Variants in BCAS4 observed in about 807,000 individuals in gnomAD.
BCAS4 encodes the protein breast carcinoma amplified sequence 4, also known as breast carcinoma-amplified sequence 4.
BCAS4 carries 9 observed loss-of-function variants against 15.7 expected under a neutral mutation model. That is an observed-to-expected ratio of 0.57 (90% CI 0.34 to 1.00). BCAS4 has a LOEUF of 1.00. Among genes scored for constraint, BCAS4 ranks in the 50% least tolerant of loss-of-function variants. BCAS4 has a pLI of 0.02. For missense variants in BCAS4, 225 were observed against 239.1 expected, an observed-to-expected ratio of 0.94 and a Z score of 0.39; for synonymous variants, 101 against 99.5, an observed-to-expected ratio of 1.02 and a Z score of -0.09.
In BCAS4 at chr20:50,809,609, A is replaced by C. The variant is rs553743265; in HGVS notation, c.91-8602A>C. Among the ~76,000 whole-genome samples, 7 of 151,970 alleles carry C rather than the reference A, an allele frequency of 4.6e-5. No individual in the cohort carries two copies. In the South Asian group the frequency reaches 1.5e-3, roughly 31 times the overall value. On this transcript the variant is annotated intron_variant, in intron 1 of 4. Transcript: ENST00000371608. ...GAGGGCTCTTTTTTGGTTCCATATG[A>C]ATTTTAGGATTTTTTTTTCTAGTTC... is the stretch of plus-strand genomic sequence containing the variant.
chr20:50,812,990 A>T (rs566632880), intron 1 of BCAS4, among the ~76,000 whole-genome samples: 1 of 148,922 alleles, frequency 6.7e-6, no homozygotes, highest in Non-Finnish European at 1.5e-5. Flanking sequence ...TAATTTTTGT[A>T]TTTTTTTTTG....
intron 4 of BCAS4, among the ~76,000 whole-genome samples, chr20:50,873,492 A>G (rs1049988507): frequency 2.6e-5 from 4 of 152,236 alleles, no homozygotes; most frequent in African/African-American, 9.6e-5. Context: ...TTGAACTCCC[A>G]TGATTCACTT....
chr20:50,867,878 C>T (rs1979434058), intron 4 of BCAS4, among the ~76,000 whole-genome samples: 1 of 152,184 alleles, frequency 6.6e-6, no homozygotes, highest in African/African-American at 2.4e-5. Context: ...CATGCCACTG[C>T]ACCCCAGCCT....
chr20:50,807,162 A>T (rs978002537), intron 1 of BCAS4, among the ~76,000 whole-genome samples: 1 of 144,810 alleles, frequency 6.9e-6, no homozygotes, highest in African/African-American at 2.6e-5. Context: ...GTGAGCCACC[A>T]CACCCAGCCC....
At chr20:50,816,012 G>GA (rs1026409867) in intron 1 of BCAS4, among the ~76,000 whole-genome samples, 1 of 151,774 alleles carries the variant, frequency 6.6e-6, no homozygotes, top group Non-Finnish European at 1.5e-5. Context: ...ACTTGAGGGG[G>GA]AAAAAAAACC....
intron 1 of BCAS4, among the ~76,000 whole-genome samples, chr20:50,803,326 C>T (rs779189975): frequency 6.6e-6 from 1 of 152,238 alleles, no homozygotes; most frequent in Non-Finnish European, 1.5e-5. Context: ...CAGCGTTCAG[C>T]ACAGAGTGCT....
chr20:50,819,107 C>T (rs1034883089), intron 2 of BCAS4, among the ~76,000 whole-genome samples: 4 of 151,856 alleles, frequency 2.6e-5, no homozygotes, highest in African/African-American at 2.4e-5. Context: ...TGCTTGAACC[C>T]GGAAGGTGGA....
At chr20:50,801,153 G>A (rs926370721) in intron 1 of BCAS4, among the ~76,000 whole-genome samples, 1 of 152,096 alleles carries the variant, frequency 6.6e-6, no homozygotes, top group African/African-American at 2.4e-5. Flanking sequence ...GGGGCCGGGC[G>A]CCATGGCTCA....
chr20:50,879,650 A>AG (rs1491230573), downstream of BCAS4: 2 of 152,214 alleles, frequency 1.3e-5, no homozygotes, highest in African/African-American at 2.4e-5. Flanking sequence ...CCCCTGAAAC[A>AG]GGGGCCAGGG....
chr20:50,807,193 G>A lies in BCAS4; in HGVS notation c.91-11018G>A, dbSNP rs113498194. On this transcript the variant is annotated intron_variant, in intron 1 of 4. Transcript: ENST00000371608. Reference sequence around the variant, plus strand: ...AGCCCAATTACACTCTTTAAGTTACGTTATTTTCTATTTTTTTTGAGACAG... The same window carrying A: ...AGCCCAATTACACTCTTTAAGTTACATTATTTTCTATTTTTTTTGAGACAG... Among the ~76,000 whole-genome samples, 998 of 148,700 alleles carry A rather than the reference G, an allele frequency of 6.7e-3. 6 individuals carry two copies. Among genetic ancestry groups the A allele is most frequent in the African/African-American group, 0.024 (958 of 40,328 alleles).
intron 1 of BCAS4, among the ~76,000 whole-genome samples, chr20:50,813,674 CTTTTTTTTTTT>C (rs965295871): frequency 1.2e-5 from 1 of 82,390 alleles, no homozygotes; most frequent in Non-Finnish European, 2.1e-5. Flanking sequence ...GGTGGAGGAC[CTTTTTTTTTTT>C]TTTTTTTTTT....
chr20:50,796,452 CATATATATATAT>C lies in BCAS4; in HGVS notation c.90+1304_90+1315del, dbSNP rs1245993218. 8.0e-3 allele frequency among the ~76,000 whole-genome samples: 169 copies of C among 21,156 alleles called. 9 individuals are homozygous for C. Among genetic ancestry groups the C allele is most frequent in the Middle Eastern group, 0.1 (1 of 10 alleles). 13.9% of individuals were successfully genotyped at this position (21,156 alleles called of 152,430 possible). Reference sequence around the variant, plus strand: ...TCTCTTTTTTCTTTTTCTTTTTCTCCATATATATATATATATATATATATATATATATATATT... The same window carrying C: ...TCTCTTTTTTCTTTTTCTTTTTCTCCATATATATATATATATATATATATT... On this transcript the variant is annotated intron_variant, in intron 1 of 4. Transcript: ENST00000371608.
At chr20:50,821,327 A>C (rs2088213717) in intron 2 of BCAS4, among the ~76,000 whole-genome samples, 1 of 152,218 alleles carries the variant, frequency 6.6e-6, no homozygotes, top group South Asian at 2.1e-4. Flanking sequence ...CCAGTTCTGC[A>C]AATATGTGAC....
chr20:50,830,442 C>A, intron 3 of BCAS4, 62 bp downstream of exon 3: 2 of 1,386,314 alleles, frequency 1.4e-6, no homozygotes, highest in Non-Finnish European at 2.0e-6. Flanking sequence ...GCCTTTTCCG[C>A]AAAGACGCCG....
rs1978396839 is a variant in BCAS4 at position 50,851,130 on chromosome 20, GGAGC to G, written c.399+9231_399+9234del. On this transcript the variant is annotated intron_variant, in intron 4 of 4. Coordinates refer to ENST00000371608, the MANE Select transcript of BCAS4 (RefSeq NM_198799.4). The surrounding 1 kb of genome is among the most constrained non-coding windows in gnomAD (Gnocchi z 4.3). ...CCCCTGCAGGAGGTGACTCGGGGAG[GGAGC>G]CCGACAGCTCAGCTTTATCTGGTGG... 6.6e-3 allele frequency among the ~76,000 whole-genome samples: 1 copy of G among 152 alleles called. No individual in the cohort carries two copies. The highest frequency in any genetic ancestry group is 0.014 in the Non-Finnish European group (1 of 74). 0.1% of individuals were successfully genotyped at this position (152 alleles called of 152,430 possible).
intron 4 of BCAS4, among the ~76,000 whole-genome samples, chr20:50,858,499 G>A (rs1263161831): frequency 6.6e-6 from 1 of 152,126 alleles, no homozygotes; most frequent in East Asian, 1.9e-4. Context: ...CTACTTGGGA[G>A]GGTGAGGCAG....
At chr20:50,825,129 G>A (rs1431931864) in intron 2 of BCAS4, among the ~76,000 whole-genome samples, 1 of 152,156 alleles carries the variant, frequency 6.6e-6, no homozygotes, top group Admixed American at 6.6e-5. Flanking sequence ...AATAGTTCTT[G>A]CCTCACAGGG....
intron 2 of BCAS4, among the ~76,000 whole-genome samples, chr20:50,825,925 A>G (rs1374120597): frequency 6.6e-6 from 1 of 152,110 alleles, no homozygotes; most frequent in Non-Finnish European, 1.5e-5. Context: ...TAAGGGGGAA[A>G]AAAAGAGACT....
At chr20:50,814,730 T>C (rs114340650) in intron 1 of BCAS4, among the ~76,000 whole-genome samples, 1 of 152,192 alleles carries the variant, frequency 6.6e-6, no homozygotes, top group Admixed American at 6.5e-5. Flanking sequence ...AAGAGGGAAA[T>C]AGTAGCACCT....
Sources: gnomAD v4.1 joint callset for allele counts (sites outside exome capture counted in the v4.1 genomes callset) on GRCh38, gnomAD v4.1.1 for gene constraint, Gnocchi (gnomAD v3.1) non-coding constraint, MANE v1.5 for transcripts, NCBI Gene and HGNC (gene_info 2026-07-23, HGNC 2026-07-21) for gene names.